NBEA: variants seen among roughly 807,000 people sequenced by gnomAD.
NBEA encodes the protein lysosomal-trafficking regulator 2.
NBEA carries 44 observed loss-of-function variants against 343.4 expected under a neutral mutation model. That is an observed-to-expected ratio of 0.13 (90% CI 0.10 to 0.16). The LOEUF (loss-of-function observed/expected upper bound fraction) is 0.16, where lower values mean the gene tolerates loss of function less well. Among genes scored for constraint, NBEA ranks in the 10% least tolerant of loss-of-function variants. The pLI is 1.00. For synonymous variants in NBEA, 1,175 were observed against 1,238.7 expected, an observed-to-expected ratio of 0.95 and a Z score of 1.08; for missense variants, 2,555 against 3,631.3, an observed-to-expected ratio of 0.70 and a Z score of 7.62.
At chr13:35,156,784 T>C (rs1433968716) in intron 20 of NBEA, among the ~76,000 whole-genome samples, 1 of 152,170 alleles carries the variant, frequency 6.6e-6, no homozygotes, top group African/African-American at 2.4e-5. Flanking sequence ...GATTAATGTA[T>C]AATGTGTTAA....
rs542216278 is a variant in NBEA, at chr13:35,396,966, T to C, written c.6180-35303T>C. ...CCTCATCTCTTCATTTTCAATGCTA[T>C]GCACTACCAGTGTCTTCATCCTGGA... On this transcript the variant is annotated intron_variant, in intron 38 of 58. Transcript: ENST00000379939. Among the ~76,000 whole-genome samples, 24 of 152,310 alleles carry C rather than the reference T, an allele frequency of 1.6e-4. No homozygotes were observed. In the East Asian group the frequency reaches 3.1e-3, roughly 20 times the overall value.
At chr13:35,418,973 GT>G (rs1000827015) in intron 38 of NBEA, among the ~76,000 whole-genome samples, 2 of 151,888 alleles carry the variant, frequency 1.3e-5, no homozygotes, top group African/African-American at 4.8e-5. Flanking sequence ...TGGGACCCAA[GT>G]TTAAAAACAA....
intron 44 of NBEA, among the ~76,000 whole-genome samples, chr13:35,557,732 G>A (rs183051447): frequency 5.9e-5 from 9 of 152,150 alleles, no homozygotes; most frequent in Admixed American, 2.6e-4. Flanking sequence ...TGAAATACAC[G>A]TAAATAAGAC....
Position 35,208,856 on chromosome 13 carries a change from T to G in NBEA, c.5521+2T>G. 6.5e-7 allele frequency: 1 copy of G among 1,536,668 alleles called. No homozygotes were observed. The highest frequency in any genetic ancestry group is 8.8e-7 in the Non-Finnish European group (1 of 1,131,562). Reference sequence around the variant, plus strand: ...CAAAAAGTATGATTAATACAACAGGTATTGTACTTACATATTTTTGTGATA... The same window carrying G: ...CAAAAAGTATGATTAATACAACAGGGATTGTACTTACATATTTTTGTGATA... On this transcript the variant is annotated splice_donor_variant, in intron 32 of 58. Transcript: ENST00000379939. LOFTEE classifies it high-confidence loss of function.
chr13:35,667,594 A>T lies in NBEA; in HGVS notation c.8661+24A>T, dbSNP rs370546788. 2.8e-5 allele frequency: 44 copies of T among 1,596,148 alleles called. No homozygotes were observed. The African/African-American group carries it at 5.6e-4, about 20-fold the overall frequency. On this transcript the variant is annotated intron_variant, in intron 57 of 58. Transcript: ENST00000379939. ...GGGTAAATCTGCATAGTTCGTGCTA[A>T]GTAGGACTGAAGCCAAGAGATTAAA...
chr13:35,580,488 G>A (rs2080971941), intron 45 of NBEA, among the ~76,000 whole-genome samples: 2 of 152,140 alleles, frequency 1.3e-5, no homozygotes, highest in African/African-American at 2.4e-5. Flanking sequence ...AATTTTTGAA[G>A]TATAGCAAAC....
At chr13:35,209,589 G>C (rs1370626545) in intron 32 of NBEA, among the ~76,000 whole-genome samples, 1 of 151,776 alleles carries the variant, frequency 6.6e-6, no homozygotes, top group Non-Finnish European at 1.5e-5. Context: ...TCCATTTTAG[G>C]TATTTATACA....
rs1403999563 is a variant in NBEA, at chr13:34,986,861, G to T, written c.294+43747G>T. Among the ~76,000 whole-genome samples, 4 of 150,498 alleles carry T rather than the reference G, an allele frequency of 2.7e-5. 1 individual carries two copies. The highest frequency in any genetic ancestry group is 3.2e-3 in the Middle Eastern group (1 of 312). ...CCCTGCTTTTTTTTGTTTTCCATTT[G>T]CTTGGTAGCTCTTCCTCCATCCCTT... On this transcript the variant is annotated intron_variant, in intron 1 of 58. Coordinates refer to ENST00000379939, the MANE Select transcript of NBEA (RefSeq NM_001385012.1).
At chr13:35,144,215 A>C (rs151327497) in intron 18 of NBEA, among the ~76,000 whole-genome samples, 194 of 152,294 alleles carry the variant, frequency 1.3e-3, no homozygotes, top group African/African-American at 4.5e-3. Context: ...AGTTGCATGC[A>C]AGGGTTTTTG....
intron 39 of NBEA, among the ~76,000 whole-genome samples, chr13:35,436,467 T>G (rs1309724293): frequency 1.3e-5 from 2 of 152,126 alleles, no homozygotes; most frequent in Non-Finnish European, 2.9e-5. Context: ...TCCCAGCACT[T>G]TGGGAGGCTG....
chr13:34,949,751 A>G (rs2059294180), intron 1 of NBEA, among the ~76,000 whole-genome samples: 1 of 152,162 alleles, frequency 6.6e-6, no homozygotes, highest in African/African-American at 2.4e-5. Flanking sequence ...TAAATTCATT[A>G]TATAGCTATA....
At chr13:35,327,573 CGTTGGATAAATGTGGA>C in intron 36 of NBEA, among the ~76,000 whole-genome samples, 1 of 151,836 alleles carries the variant, frequency 6.6e-6, no homozygotes, top group Non-Finnish European at 1.5e-5. Context: ...GTGAGCTAAA[CGTTGGATAAATGTGGA>C]CATAAAGATG....
At chr13:35,320,191 G>T (rs1036045994) in intron 36 of NBEA, among the ~76,000 whole-genome samples, 2 of 152,120 alleles carry the variant, frequency 1.3e-5, no homozygotes, top group Non-Finnish European at 2.9e-5. Context: ...TCATAGTGTC[G>T]ATGGACTTTA....
At chr13:35,394,860 A>T (rs543969277) in intron 38 of NBEA, among the ~76,000 whole-genome samples, 2 of 151,958 alleles carry the variant, frequency 1.3e-5, no homozygotes, top group Non-Finnish European at 2.9e-5. Context: ...TTGGTTTTAG[A>T]TCTTTCTACT....
intron 53 of NBEA, among the ~76,000 whole-genome samples, chr13:35,653,207 T>TA (rs2084643184): frequency 6.6e-6 from 1 of 152,196 alleles, no homozygotes; most frequent in African/African-American, 2.4e-5. Context: ...AGACAGTTTT[T>TA]AATAATGTTT....
At chr13:35,308,504 A>T (rs1356854567) in intron 35 of NBEA, among the ~76,000 whole-genome samples, 1 of 115,614 alleles carries the variant, frequency 8.6e-6, no homozygotes, top group African/African-American at 3.6e-5. Flanking sequence ...ATATGTGTAT[A>T]TATATATGTG....
intron 55 of NBEA, among the ~76,000 whole-genome samples, chr13:35,656,157 A>G (rs1177123956): frequency 1.3e-5 from 2 of 152,218 alleles, no homozygotes; most frequent in South Asian, 2.1e-4. Context: ...GCTATCTACC[A>G]TATATACTGT....
At chr13:35,204,757 T>C (rs948657112) in intron 31 of NBEA, among the ~76,000 whole-genome samples, 2 of 152,176 alleles carry the variant, frequency 1.3e-5, no homozygotes, top group Non-Finnish European at 2.9e-5. Context: ...TGTGGCTATG[T>C]ATGTTTTTGA....
At chr13:35,106,458 G>T (rs2065922762) in intron 11 of NBEA, among the ~76,000 whole-genome samples, 1 of 151,078 alleles carries the variant, frequency 6.6e-6, no homozygotes, top group Non-Finnish European at 1.5e-5. Context: ...GAGAAATTAG[G>T]GTAGGGATCA....
Sources: allele counts gnomAD v4.1 joint callset (sites outside exome capture counted in the v4.1 genomes callset), GRCh38; gene constraint gnomAD v4.1.1; transcripts MANE v1.5; gene names NCBI Gene and HGNC (gene_info 2026-07-23, HGNC 2026-07-21).